Variants in ASNS observed in about 807,000 individuals in gnomAD.
ASNS encodes the protein asparagine synthetase (glutamine-hydrolyzing).
Under a neutral mutation model 62.6 loss-of-function variants are expected in ASNS, and 37 were observed. That is an observed-to-expected ratio of 0.59 (90% confidence interval 0.45 to 0.78). The LOEUF is 0.78. Ranked by LOEUF, ASNS falls within the 30% of genes least tolerant of loss-of-function variation. The pLI is 0.00. For synonymous variants in ASNS, 207 were observed against 237.9 expected, an observed-to-expected ratio of 0.87 and a Z score of 1.19; for missense variants, 520 against 682.4, an observed-to-expected ratio of 0.76 and a Z score of 2.65.
the ASNS span, among the ~76,000 whole-genome samples, chr7:97,903,027 G>A: frequency 2.0e-5 from 3 of 151,972 alleles, no homozygotes; most frequent in Non-Finnish European, 4.4e-5. Flanking sequence ...CAGGGATGAC[G>A]CTCAACATCC....
the ASNS span, among the ~76,000 whole-genome samples, chr7:97,921,950 A>G: frequency 1.3e-5 from 2 of 152,340 alleles, no homozygotes; most frequent in East Asian, 3.9e-4. Flanking sequence ...AGCCTTCAAA[A>G]AGAAGGAAAT....
chr7:97,855,290 T>C, intron 9 of ASNS, 63 bp downstream of exon 9: 11 of 1,183,498 alleles, frequency 9.3e-6, no homozygotes, highest in Non-Finnish European at 1.2e-5. Flanking sequence ...TGATAGAAAA[T>C]AGTCAAACAA....
chr7:97,925,732 A>G, the ASNS span, among the ~76,000 whole-genome samples: 1 of 152,166 alleles, frequency 6.6e-6, no homozygotes. Flanking sequence ...TGCGTTAATC[A>G]GGGATTTCAG....
At chr7:97,914,250 G>A in the ASNS span, among the ~76,000 whole-genome samples, 1 of 152,104 alleles carries the variant, frequency 6.6e-6, no homozygotes, top group East Asian at 1.9e-4. Context: ...ATGGACTTGA[G>A]CATTTTTTCA....
At chr7:97,926,764 G>A in the ASNS span, among the ~76,000 whole-genome samples, 3 of 152,134 alleles carry the variant, frequency 2.0e-5, no homozygotes, top group African/African-American at 7.2e-5. Flanking sequence ...CAGGTCATGC[G>A]ATTCCCATTT....
chr7:97,870,266 T>C lies in ASNS; in HGVS notation c.-59-453A>G, dbSNP rs1792191081. ...ACACAGAGGTCCAGATACATTCCGTTTTGAGAATGTCAATGGATACACCAA... is the reference window on the plus strand; with the variant it reads ...ACACAGAGGTCCAGATACATTCCGTCTTGAGAATGTCAATGGATACACCAA... On this transcript the variant is annotated intron_variant, in intron 1 of 12. Coordinates refer to ENST00000394308, the MANE Select transcript of ASNS (RefSeq NM_001673.5). 6 of 675,912 alleles carry C rather than the reference T, an allele frequency of 8.9e-6. No individual in the cohort carries two copies. In the South Asian group the frequency reaches 1.4e-4, roughly 15 times the overall value. The allele number at this position is 675,912 out of a possible 1,614,324, so 41.9% of individuals were successfully genotyped here.
chr7:97,852,338 T>C lies in ASNS; in HGVS notation c.1607A>G (p.Tyr536Cys), dbSNP rs1791218407. The C allele has an allele frequency of 6.2e-7, 1 of 1,614,158 alleles. No homozygotes were observed. The highest frequency in any genetic ancestry group is 1.3e-5 in the African/African-American group (1 of 75,030). Residue 536 changes from tyrosine (Y) to cysteine (C), a missense_variant, in exon 13 of 13, where the codon TAC becomes TGC. Tyr to Cys is a radical substitution (Grantham distance 194, BLOSUM62 -2). Coordinates refer to ENST00000394308, the MANE Select transcript of ASNS (RefSeq NM_001673.5). Reference protein sequence around the residue: ...YPGRADWLSHYWMPKWINATD... With the variant: ...YPGRADWLSHCWMPKWINATD... Reference sequence around the variant, plus strand: ...GGCATTGATCCACTTGGGCATCCAGTAATGGCTCAGCCAGTCAGCCCGGCC... The same window carrying C: ...GGCATTGATCCACTTGGGCATCCAGCAATGGCTCAGCCAGTCAGCCCGGCC...
intron 4 of ASNS, chr7:97,863,188 G>C (rs528418200): frequency 3.9e-5 from 6 of 152,314 alleles, no homozygotes; most frequent in African/African-American, 1.2e-4. Context: ...GTTTATAGCA[G>C]CATTATTCAT....
the ASNS span, among the ~76,000 whole-genome samples, chr7:97,912,801 C>G: frequency 0.01 from 1,558 of 150,940 alleles, 27 homozygotes; most frequent in African/African-American, 0.036. Flanking sequence ...AGGCTGGTAT[C>G]AAACTCCTGG....
chr7:97,880,724 G>A, the ASNS span, among the ~76,000 whole-genome samples: 1 of 152,318 alleles, frequency 6.6e-6, no homozygotes, highest in East Asian at 1.9e-4. Flanking sequence ...GAAACAGAAA[G>A]ACATTGGCAG....
chr7:97,927,264 G>A, the ASNS span, among the ~76,000 whole-genome samples: 6,268 of 151,992 alleles, frequency 0.041, 242 homozygotes, highest in African/African-American at 0.11. Flanking sequence ...AAACATCACT[G>A]CAAAAACACA....
At chr7:97,894,475 C>A in the ASNS span, among the ~76,000 whole-genome samples, 2,010 of 45,248 alleles carry the variant, frequency 0.044, no homozygotes, top group South Asian at 0.074. Context: ...ACTAGTGAGG[C>A]TAACCAAAAA....
the ASNS span, among the ~76,000 whole-genome samples, chr7:97,893,042 T>G: frequency 6.6e-6 from 1 of 152,242 alleles, no homozygotes; most frequent in African/African-American, 2.4e-5. Context: ...AGAAAGAGGT[T>G]TAATGGACTT....
intron 1 of ASNS, among the ~76,000 whole-genome samples, chr7:97,870,901 T>A (rs1792224037): frequency 6.6e-6 from 1 of 152,204 alleles, no homozygotes; most frequent in African/African-American, 2.4e-5. Flanking sequence ...TACACTTATT[T>A]TTTCTAGTAG....
At chr7:97,870,387 A>G (rs1792196709) in intron 1 of ASNS, 1 of 313,634 alleles carries the variant, frequency 3.2e-6, no homozygotes, top group Admixed American at 5.1e-5. Context: ...ATGCCCAAAT[A>G]GTTTGGGATA....
At chr7:97,884,330 C>T in the ASNS span, among the ~76,000 whole-genome samples, 1 of 152,222 alleles carries the variant, frequency 6.6e-6, no homozygotes, top group Non-Finnish European at 1.5e-5. Context: ...GGCTGGATCA[C>T]CTGAGATCAC....
chr7:97,906,459 G>T, the ASNS span: 1 of 214,388 alleles, frequency 4.7e-6, no homozygotes, highest in Non-Finnish European at 9.3e-6. Context: ...CTAAAATGGA[G>T]TGAGTGGTTA....
At chr7:97,909,058 A>G in the ASNS span, 2 of 152,160 alleles carry the variant, frequency 1.3e-5, no homozygotes, top group African/African-American at 2.4e-5. Flanking sequence ...TACCACTCAT[A>G]GCACCTGATT....
chr7:97,904,391 C>T, the ASNS span, among the ~76,000 whole-genome samples: 1 of 151,698 alleles, frequency 6.6e-6, no homozygotes, highest in African/African-American at 2.4e-5. Context: ...ACTCCTAAAT[C>T]TTGGTAACTT....
Sources: gnomAD v4.1 joint callset for allele counts (sites outside exome capture counted in the v4.1 genomes callset) on GRCh38, gnomAD v4.1.1 for gene constraint, MANE v1.5 for transcripts, NCBI Gene and HGNC (gene_info 2026-07-23, HGNC 2026-07-21) for gene names.